CAAP1: variants seen among roughly 807,000 people sequenced by gnomAD.
CAAP1 encodes caspase activity and apoptosis inhibitor 1, also known as conserved anti-apoptotic protein.
Under a neutral mutation model 34.0 loss-of-function variants are expected in CAAP1, and 20 were observed. The observed-to-expected ratio is 0.59, with a 90% CI of 0.41 to 0.86. CAAP1 has a LOEUF of 0.86. Among genes scored for constraint, CAAP1 ranks in the 40% least tolerant of loss-of-function variants. CAAP1 has a pLI of 0.00. For synonymous variants in CAAP1, 213 were observed against 166.7 expected (o/e 1.28, Z -2.14); for missense variants, 538 against 450.5 (o/e 1.19, Z -1.76).
chr9:26,855,165 G>C (rs1822840294), intron 5 of CAAP1, among the ~76,000 whole-genome samples: 1 of 152,164 alleles, frequency 6.6e-6, no homozygotes, highest in African/African-American at 2.4e-5. Flanking sequence ...AAAACAAAAT[G>C]TGTTATCAAG....
At chr9:26,888,597 C>A (rs1823813732) in intron 1 of CAAP1, among the ~76,000 whole-genome samples, 1 of 152,206 alleles carries the variant, frequency 6.6e-6, no homozygotes, top group Non-Finnish European at 1.5e-5. Flanking sequence ...AGAATCAGCA[C>A]TTGTTCTAAC....
chr9:26,862,721 G>A (rs1823031490), intron 4 of CAAP1, among the ~76,000 whole-genome samples: 3 of 152,110 alleles, frequency 2.0e-5, no homozygotes, highest in Admixed American at 6.5e-5. Context: ...TAGGGAAAAC[G>A]TTATGAAGGA....
At position 26,887,552 on chromosome 9, in the gene CAAP1, C is replaced by T. The variant is rs188298280; in HGVS notation, c.304-39G>A. On this transcript the variant is annotated intron_variant, in intron 1 of 5. Coordinates refer to ENST00000333916, the MANE Select transcript of CAAP1 (RefSeq NM_024828.4). ...AATAAAGAACCATTAAACAATACTA[C>T]TTAAAATATAAAGAATACGTACATG... The T allele has an allele frequency of 1.5e-3, 1,845 of 1,230,412 alleles. 4 individuals are homozygous for T. Among genetic ancestry groups the T allele is most frequent in the South Asian group, 2.0e-3 (135 of 68,704 alleles). The allele number at this position is 1,230,412 out of a possible 1,614,324, so 76.2% of individuals were successfully genotyped here.
chr9:26,882,353 C>G (rs1409280062), intron 4 of CAAP1, among the ~76,000 whole-genome samples: 1 of 152,212 alleles, frequency 6.6e-6, no homozygotes, highest in Non-Finnish European at 1.5e-5. Flanking sequence ...CAGGGCTCCC[C>G]TGCTATGTGT....
At chr9:26,846,342 G>T (rs2131294171) in intron 5 of CAAP1, among the ~76,000 whole-genome samples, 1 of 148,048 alleles carries the variant, frequency 6.8e-6, no homozygotes, top group Middle Eastern at 3.8e-3. Flanking sequence ...CTTGAACCCA[G>T]GAGGCAGAGG....
intron 4 of CAAP1, among the ~76,000 whole-genome samples, chr9:26,877,782 C>G (rs1321362266): frequency 2.0e-5 from 3 of 151,928 alleles, no homozygotes; most frequent in Non-Finnish European, 4.4e-5. Context: ...AATTTGAAGA[C>G]TTAAATTTGT....
chr9:26,886,955 C>T (rs1823756801), intron 2 of CAAP1, among the ~76,000 whole-genome samples: 1 of 152,156 alleles, frequency 6.6e-6, no homozygotes, highest in Admixed American at 6.5e-5. Flanking sequence ...GTGGCTCACA[C>T]CTGTAATTCC....
chr9:26,867,952 G>C (rs537658028), intron 4 of CAAP1, among the ~76,000 whole-genome samples: 1 of 152,274 alleles, frequency 6.6e-6, no homozygotes, highest in South Asian at 2.1e-4. Flanking sequence ...TACTGCTTTG[G>C]AGAAAGAACA....
intron 4 of CAAP1, among the ~76,000 whole-genome samples, chr9:26,871,504 T>C (rs1026352653): frequency 6.7e-6 from 1 of 150,290 alleles, no homozygotes; most frequent in African/African-American, 2.5e-5. Context: ...TTGAACGTGC[T>C]AGGCAGAGGC....
chr9:26,884,292 C>A (rs2131338907), intron 4 of CAAP1, among the ~76,000 whole-genome samples: 1 of 152,222 alleles, frequency 6.6e-6, no homozygotes, highest in South Asian at 2.1e-4. Context: ...TAGTCAGCAT[C>A]CCAAAACTTC....
intron 5 of CAAP1, among the ~76,000 whole-genome samples, chr9:26,846,288 G>A (rs75041726): frequency 6.6e-6 from 1 of 151,552 alleles, no homozygotes; most frequent in African/African-American, 2.4e-5. Flanking sequence ...GTGGTGGCGG[G>A]TGCCTGTAAT....
intron 5 of CAAP1, among the ~76,000 whole-genome samples, chr9:26,843,778 C>T (rs1563875966): frequency 1.3e-5 from 2 of 152,054 alleles, no homozygotes; most frequent in Admixed American, 1.3e-4. Context: ...GTTTTATAAT[C>T]AATGATGATT....
intron 5 of CAAP1, among the ~76,000 whole-genome samples, chr9:26,850,732 C>T (rs1822729241): frequency 6.6e-6 from 1 of 152,100 alleles, no homozygotes. Context: ...ACAGGTGAAA[C>T]CTATGAAGGC....
At chr9:26,853,815 G>C (rs2131302269) in intron 5 of CAAP1, among the ~76,000 whole-genome samples, 1 of 152,270 alleles carries the variant, frequency 6.6e-6, no homozygotes, top group African/African-American at 2.4e-5. Flanking sequence ...GAGTATACAG[G>C]TTCAGATACA....
At chr9:26,874,279 T>A (rs1457679751) in intron 4 of CAAP1, among the ~76,000 whole-genome samples, 4 of 151,616 alleles carry the variant, frequency 2.6e-5, no homozygotes, top group Admixed American at 6.6e-5. Flanking sequence ...ATGGAGTATA[T>A]GTGATATTTC....
At position 26,842,655 on chromosome 9, in the gene CAAP1, C is replaced by A; in HGVS notation, c.740-8G>T. On this transcript the variant is annotated splice_region_variant and splice_polypyrimidine_tract_variant and intron_variant, in intron 5 of 5. Transcript: ENST00000333916. ...CACTATCTTCCCCTTTTCCTGTAAC[C>A]AAAAAAGGAGAAAGATCCATGTAAC... 1.3e-6 allele frequency: 2 copies of A among 1,567,242 alleles called. No individual in the cohort carries two copies. Among genetic ancestry groups the A allele is most frequent in the Admixed American group, 3.9e-5 (2 of 51,006 alleles).
chr9:26,848,536 TTA>T (rs1396563047), intron 5 of CAAP1, among the ~76,000 whole-genome samples: 2 of 152,298 alleles, frequency 1.3e-5, no homozygotes, highest in South Asian at 4.1e-4. Flanking sequence ...AAAATAGTTC[TTA>T]TATGTTTGTT....
intron 4 of CAAP1, among the ~76,000 whole-genome samples, chr9:26,868,161 C>G (rs189255342): frequency 5.9e-4 from 90 of 152,284 alleles, no homozygotes; most frequent in Non-Finnish European, 1.1e-3. Context: ...AACAGCCCCC[C>G]AAATATGCCC....
chr9:26,886,122 T>G lies in CAAP1; in HGVS notation c.571A>C (p.Ile191Leu). 1.3e-6 allele frequency: 2 copies of G among 1,510,494 alleles called. No individual in the cohort carries two copies. The highest frequency in any genetic ancestry group is 1.8e-6 in the Non-Finnish European group (2 of 1,120,968). The allele number at this position is 1,510,494 out of a possible 1,614,324, so 93.6% of individuals were successfully genotyped here. A position where few individuals can be genotyped will look rare whatever the true frequency, so the allele number is the denominator to read the frequency against. ...EQLELLSEKK[I>L]LKILEGDNGM... is the part of the protein sequence containing the mutation. ...TTCTTACCCTCAAGAATCTTCAAAA[T>G]TTTTTTTTCAGACAGGAGCTCTAAC... The change falls in exon 3 of 6, where the codon ATT (isoleucine) becomes CTT (leucine). Residue 191 changes from isoleucine (I) to leucine (L), a missense_variant. By Grantham distance (5) the Ile-to-Leu change is conservative. Coordinates refer to ENST00000333916, the MANE Select transcript of CAAP1 (RefSeq NM_024828.4).
Sources: allele counts gnomAD v4.1 joint callset (sites outside exome capture counted in the v4.1 genomes callset), GRCh38; gene constraint gnomAD v4.1.1; transcripts MANE v1.5; gene names NCBI Gene and HGNC (gene_info 2026-07-23, HGNC 2026-07-21).